The following DYDC2 variants were observed in gnomAD, a reference collection of about 807,000 sequenced individuals.
DYDC2 encodes the protein DPY30 domain containing 2.
Under a neutral mutation model 18.7 loss-of-function variants are expected in DYDC2, and 19 were observed. The ratio of observed to expected loss-of-function variants is 1.02; its 90% confidence interval spans 0.71 to 1.49. The LOEUF is 1.49. Ranked by LOEUF, DYDC2 falls within the 40% of genes most tolerant of loss-of-function variation. The pLI is 0.00. For synonymous variants in DYDC2, 63 were observed against 67.6 expected (o/e 0.93, Z 0.34); for missense variants, 179 against 205.1 (o/e 0.87, Z 0.78).
chr10:80,346,521 C>T (rs377388729), intron 1 of DYDC2, among the ~76,000 whole-genome samples: 5 of 133,232 alleles, frequency 3.8e-5, no homozygotes, highest in East Asian at 2.6e-4. Flanking sequence ...AGTGCAGTGG[C>T]GCGATCTCAG....
rs553079164 is a variant in DYDC2 at position 80,363,052 on chromosome 10, G to A, written c.249G>A (p.Gln83=). The A allele has an allele frequency of 5.0e-6, 8 of 1,613,464 alleles. No homozygotes were observed. In the South Asian group the frequency reaches 6.6e-5, roughly 13 times the overall value. The change falls in exon 4 of 5, where the codon CAG becomes CAA. Residue 83 remains glutamine (Q), a synonymous_variant. Transcript: ENST00000256039. ...AACAGGAAGAGTATCAGATTCAACA[G>A]AACTGTGAAAAGTGTCACAAGGTAG... ...MLKQEEYQIQ[Q]NCEKCHKELT...
chr10:80,348,299 A>G (rs1021732387), intron 1 of DYDC2, among the ~76,000 whole-genome samples: 2 of 152,202 alleles, frequency 1.3e-5, no homozygotes, highest in Non-Finnish European at 2.9e-5. Flanking sequence ...ATGAGAAGAA[A>G]TACTCCCAAC....
At chr10:80,352,425 C>T (rs1198800869), upstream of DYDC2, 8 of 1,525,502 alleles carry the variant, frequency 5.2e-6, no homozygotes, top group Admixed American at 9.2e-5. Context: ...TTTTTTTCTT[C>T]TAATTTCCTA....
At chr10:80,357,096 G>A (rs1487527125) in intron 1 of DYDC2, among the ~76,000 whole-genome samples, 1 of 143,014 alleles carries the variant, frequency 7.0e-6, no homozygotes, top group Non-Finnish European at 1.5e-5. Context: ...AGAGAGGAGG[G>A]GGCGTTCAGG....
At chr10:80,347,276 C>CTTTTT (rs556362145) in intron 1 of DYDC2, among the ~76,000 whole-genome samples, 4 of 90,114 alleles carry the variant, frequency 4.4e-5, no homozygotes, top group African/African-American at 4.4e-5. Context: ...AATTGGGATC[C>CTTTTT]TTTTTTTTTT....
Position 80,367,105 on chromosome 10 carries a change from T to G in DYDC2, c.*154T>G. 1.2e-6 allele frequency: 1 copy of G among 858,424 alleles called. No homozygotes were observed. Among genetic ancestry groups the G allele is most frequent in the Non-Finnish European group, 1.8e-6 (1 of 566,402 alleles). 53.2% of individuals were successfully genotyped at this position (858,424 alleles called of 1,614,324 possible). A position where few individuals can be genotyped will look rare whatever the true frequency, so the allele number is the denominator to read the frequency against. ...GAAAAACCCTTAATCATGTGAACAT[T>G]TGAACTAGTTATAGGATAAAATAAA... On this transcript the variant is annotated 3_prime_UTR_variant, in exon 5 of 5. Coordinates refer to ENST00000256039, the MANE Select transcript of DYDC2 (RefSeq NM_032372.6).
chr10:80,364,479 G>C (rs1843764651), intron 4 of DYDC2, among the ~76,000 whole-genome samples: 1 of 152,112 alleles, frequency 6.6e-6, no homozygotes. Context: ...AATATATAAA[G>C]AAGACTCCCA....
chr10:80,356,766 G>A, upstream of DYDC2: 1 of 985,548 alleles, frequency 1.0e-6, no homozygotes, highest in Non-Finnish European at 1.2e-6. Context: ...GCCAGGCAAC[G>A]AGAGCTCGCG....
At chr10:80,349,254 G>C (rs899198264) in intron 1 of DYDC2, among the ~76,000 whole-genome samples, 3 of 152,150 alleles carry the variant, frequency 2.0e-5, no homozygotes, top group Non-Finnish European at 2.9e-5. Context: ...CTTCAACCAA[G>C]TGAAATGTTA....
intron 2 of DYDC2, among the ~76,000 whole-genome samples, chr10:80,359,024 C>T (rs1269537172): frequency 6.6e-6 from 1 of 152,172 alleles, no homozygotes; most frequent in African/African-American, 2.4e-5. Context: ...AGCAAAAGAA[C>T]AAAGCTTCCA....
intron 2 of DYDC2, 60 bp downstream of exon 2, chr10:80,358,105 G>A (rs776153158): frequency 1.5e-5 from 15 of 976,858 alleles, no homozygotes; most frequent in African/African-American, 5.3e-5. Flanking sequence ...GGCCAGGCGC[G>A]GTGGCTCACC....
intron 1 of DYDC2, among the ~76,000 whole-genome samples, chr10:80,346,440 C>CTCTCT (rs1842627982): frequency 1.1e-5 from 1 of 92,416 alleles, no homozygotes; most frequent in Admixed American, 1.1e-4. Context: ...TGTCTCTTCC[C>CTCTCT]TTTCTTTTTT....
chr10:80,366,746 AC>A lies in DYDC2; in HGVS notation c.334del (p.Glu113ArgfsTer5). On this transcript the variant is annotated frameshift_variant, in exon 5 of 5. Transcript: ENST00000256039. LOFTEE classifies it high-confidence loss of function. Reference protein sequence around the residue: ...KKTIFMQEDTNPLEKEALKQE... With the variant: ...KKTIFMQEDTXPLEKEALKQE... ...ACCATATTCATGCAGGAGGACACAA[AC>A]CCCCTTGAGAAGGAGGCCTTGAAGC... 1 of 1,613,918 alleles carries A rather than the reference AC, an allele frequency of 6.2e-7. No individual in the cohort carries two copies. Among genetic ancestry groups the A allele is most frequent in the Non-Finnish European group, 8.5e-7 (1 of 1,179,950 alleles).
chr10:80,355,693 A>G (rs1157400121), upstream of DYDC2, among the ~76,000 whole-genome samples: 4 of 152,160 alleles, frequency 2.6e-5, no homozygotes, highest in African/African-American at 9.7e-5. Flanking sequence ...AAAGAAAACG[A>G]GGTGCTGAAA....
intron 1 of DYDC2, among the ~76,000 whole-genome samples, chr10:80,350,918 C>T (rs1437841535): frequency 6.6e-6 from 1 of 152,162 alleles, no homozygotes; most frequent in Non-Finnish European, 1.5e-5. Context: ...CATGCTACCC[C>T]AATCCTGCTT....
chr10:80,351,807 C>G, upstream of DYDC2: 1 of 1,093,590 alleles, frequency 9.1e-7, no homozygotes, highest in South Asian at 1.5e-5. Context: ...ATCTAAATAA[C>G]TGGAGCTGGG....
chr10:80,351,966 C>T (rs1843011065), upstream of DYDC2: 2 of 1,614,156 alleles, frequency 1.2e-6, no homozygotes, highest in Non-Finnish European at 1.7e-6. Context: ...AGAGCTAATT[C>T]TCTTTCACGC....
rs1404450753 is a variant in DYDC2, at chr10:80,362,283, C to T, written c.-9-152C>T. On this transcript the variant is annotated intron_variant, in intron 2 of 4. Transcript: ENST00000256039. Reference sequence around the variant, plus strand: ...CACAATCCTCCACTGAATATAACAGCAAGTAAGTGTTTGTTGGTTCTTTTG... The same window carrying T: ...CACAATCCTCCACTGAATATAACAGTAAGTAAGTGTTTGTTGGTTCTTTTG... 6.6e-5 allele frequency among the ~76,000 whole-genome samples: 10 copies of T among 152,208 alleles called. No homozygotes were observed. In the East Asian group the frequency reaches 1.2e-3, roughly 18 times the overall value.
At chr10:80,363,841 T>C (rs1843742425) in intron 4 of DYDC2, among the ~76,000 whole-genome samples, 1 of 152,236 alleles carries the variant, frequency 6.6e-6, no homozygotes, top group South Asian at 2.1e-4. Flanking sequence ...CTGTGAAACT[T>C]CAGATGCCTC....
Sources: allele counts gnomAD v4.1 joint callset (sites outside exome capture counted in the v4.1 genomes callset), GRCh38; gene constraint gnomAD v4.1.1; transcripts MANE v1.5; gene names NCBI Gene and HGNC (gene_info 2026-07-23, HGNC 2026-07-21).